Variants in IFT88 observed in about 807,000 individuals in gnomAD.
The protein encoded by IFT88 is intraflagellar transport protein 88 homolog.
A neutral mutation model predicts 119.5 loss-of-function variants in IFT88; 74 were observed. That is an observed-to-expected ratio of 0.62 (90% CI 0.51 to 0.75). The LOEUF is 0.75. IFT88 is among the 30% of genes least tolerant of loss of function. The pLI is 0.00. For missense variants in IFT88, 961 were observed against 977.7 expected, an observed-to-expected ratio of 0.98 and a Z score of 0.23; for synonymous variants, 279 against 316.7, an observed-to-expected ratio of 0.88 and a Z score of 1.26.
chr13:20,574,534 CTG>C (rs2137973739), intron 2 of IFT88, 59 bp downstream of exon 2: 3 of 895,350 alleles, frequency 3.4e-6, no homozygotes, highest in Admixed American at 2.1e-5. Flanking sequence ...TTTATGAAGA[CTG>C]TGGATTTGAG....
At position 20,638,316 on chromosome 13, in the gene IFT88, T is replaced by C; in HGVS notation, c.1387-16T>C. The C allele has an allele frequency of 7.8e-7, 1 of 1,277,252 alleles. No homozygotes were observed. The highest frequency in any genetic ancestry group is 1.0e-6 in the Non-Finnish European group (1 of 983,624). 79.1% of individuals were successfully genotyped at this position (1,277,252 alleles called of 1,614,324 possible). A position where few individuals can be genotyped will look rare whatever the true frequency, so the allele number is the denominator to read the frequency against. ...TTTCATGAAATTCAAATAATTTGTA[T>C]ATGTATTTTACTTAGGGAAAGGATT... On this transcript the variant is annotated splice_polypyrimidine_tract_variant and intron_variant, in intron 16 of 25. Transcript: ENST00000351808.
chr13:20,645,641 A>G (rs2050631227), intron 20 of IFT88, among the ~76,000 whole-genome samples: 2 of 152,174 alleles, frequency 1.3e-5, no homozygotes, highest in Admixed American at 6.5e-5. Flanking sequence ...ATTTATAATT[A>G]ATATATATGA....
At chr13:20,581,194 A>G (rs573216442) in intron 2 of IFT88, among the ~76,000 whole-genome samples, 1 of 152,320 alleles carries the variant, frequency 6.6e-6, no homozygotes, top group South Asian at 2.1e-4. Flanking sequence ...TTTGATCTTA[A>G]CTGTAATAAT....
Position 20,584,568 on chromosome 13 carries a change from C to T in IFT88, c.153+1549C>T, listed in dbSNP as rs554379579. Among the ~76,000 whole-genome samples the T allele has an allele frequency of 3.1e-4, 47 of 152,132 alleles. 1 individual carries two copies. Among genetic ancestry groups the T allele is most frequent in the Admixed American group, 9.8e-4 (15 of 15,282 alleles). ...TAATTAATACTCAATTAATTTTCTA[C>T]GAGTACATGAATTGCTAGAGTAGTT... On this transcript the variant is annotated intron_variant, in intron 3 of 25. Coordinates refer to ENST00000351808, the MANE Select transcript of IFT88 (RefSeq NM_006531.5).
intron 5 of IFT88, 59 bp from the exon 6 acceptor site, chr13:20,591,559 G>T: frequency 7.6e-7 from 1 of 1,319,204 alleles, no homozygotes; most frequent in South Asian, 1.2e-5. Context: ...GTAATGTGCA[G>T]AACTGTACAT....
Position 20,628,699 on chromosome 13 carries a change from T to C in IFT88, c.1300-2317T>C, listed in dbSNP as rs2047721708. On this transcript the variant is annotated intron_variant, in intron 15 of 25. Coordinates refer to ENST00000351808, the MANE Select transcript of IFT88 (RefSeq NM_006531.5). Reference sequence around the variant, plus strand: ...TATGTAGCCTTTTTAGAATAGATCATAGTTTAGAAACGTATAATATGAAGT... The same window carrying C: ...TATGTAGCCTTTTTAGAATAGATCACAGTTTAGAAACGTATAATATGAAGT... Among the ~76,000 whole-genome samples the C allele has an allele frequency of 2.0e-5, 3 of 152,320 alleles. No individual in the cohort carries two copies. In the South Asian group the frequency reaches 6.2e-4, roughly 32 times the overall value.
At chr13:20,592,621 G>A (rs1028218535) in intron 7 of IFT88, among the ~76,000 whole-genome samples, 7 of 151,896 alleles carry the variant, frequency 4.6e-5, no homozygotes, top group East Asian at 1.9e-4. Flanking sequence ...AGGTGCCTGC[G>A]ACTACATCCA....
intron 22 of IFT88, 29 bp from the exon 23 acceptor site, chr13:20,663,469 C>T: frequency 6.2e-7 from 1 of 1,606,382 alleles, no homozygotes. Context: ...TGCCTATATT[C>T]TTTCCTAAAT....
intron 22 of IFT88, among the ~76,000 whole-genome samples, chr13:20,659,672 C>T (rs1327852643): frequency 2.0e-5 from 3 of 147,696 alleles, no homozygotes; most frequent in African/African-American, 7.5e-5. Flanking sequence ...GAGACACAGT[C>T]TCACTCTGTC....
chr13:20,568,946 T>C (rs1457165641), intron 1 of IFT88, among the ~76,000 whole-genome samples: 1 of 152,062 alleles, frequency 6.6e-6, no homozygotes, highest in African/African-American at 2.4e-5. Flanking sequence ...GGTCTCGATC[T>C]CCTGACCTCG....
At chr13:20,567,944 CCA>C (rs1360821779) in intron 1 of IFT88, 1 of 699,962 alleles carries the variant, frequency 1.4e-6, no homozygotes, top group Admixed American at 2.0e-5. Flanking sequence ...CTTCCCTGGG[CCA>C]CATCGGAAGA....
chr13:20,689,755 A>G (rs936980445), intron 24 of IFT88, among the ~76,000 whole-genome samples: 3 of 150,132 alleles, frequency 2.0e-5, no homozygotes, highest in African/African-American at 4.9e-5. Flanking sequence ...CATTATTCAG[A>G]AAAAAAAAAG....
chr13:20,630,932 C>A (rs2048109733), intron 15 of IFT88, 84 bp from the exon 16 acceptor site: 3 of 839,580 alleles, frequency 3.6e-6, no homozygotes, highest in Non-Finnish European at 5.9e-6. Flanking sequence ...TCTTACCCTT[C>A]AGGAACACTG....
At chr13:20,655,743 C>T (rs1361839783) in intron 21 of IFT88, among the ~76,000 whole-genome samples, 1 of 152,136 alleles carries the variant, frequency 6.6e-6, no homozygotes, top group Non-Finnish European at 1.5e-5. Context: ...GTCCACCCAC[C>T]TCAGCCTCCC....
intron 3 of IFT88, among the ~76,000 whole-genome samples, chr13:20,584,340 G>A (rs978702876): frequency 6.6e-6 from 1 of 152,022 alleles, no homozygotes; most frequent in African/African-American, 2.4e-5. Context: ...AGTGTATCTA[G>A]TAAGTGAATT....
Position 20,670,820 on chromosome 13 carries a change from C to CT in IFT88, c.2176-140dup, listed in dbSNP as rs397959694. On this transcript the variant is annotated intron_variant, in intron 23 of 25. Transcript: ENST00000351808. ...CCCTCCACTTACAAAACAACTCAGG[C>CT]TTTTTTTTTTTTTCTATAGAATCAA... 5.7e-3 allele frequency among the ~76,000 whole-genome samples: 810 copies of CT among 142,346 alleles called. 4 individuals are homozygous for CT. Among genetic ancestry groups the CT allele is most frequent in the African/African-American group, 0.013 (497 of 39,072 alleles). 93.4% of individuals were successfully genotyped at this position (142,346 alleles called of 152,430 possible). A position where few individuals can be genotyped will look rare whatever the true frequency, so the allele number is the denominator to read the frequency against.
intron 24 of IFT88, among the ~76,000 whole-genome samples, chr13:20,677,763 GAGAC>G (rs1457517342): frequency 1.1e-4 from 16 of 152,172 alleles, no homozygotes; most frequent in Admixed American, 2.6e-4. Context: ...ATAGAAGAGA[GAGAC>G]AGACCAAAAA....
chr13:20,632,598 C>T (rs2048370389), intron 16 of IFT88, among the ~76,000 whole-genome samples: 1 of 152,222 alleles, frequency 6.6e-6, no homozygotes, highest in South Asian at 2.1e-4. Flanking sequence ...TATCCAACCC[C>T]TTGTTTAAAT....
At chr13:20,569,232 C>G (rs989749523) in intron 1 of IFT88, among the ~76,000 whole-genome samples, 1 of 146,408 alleles carries the variant, frequency 6.8e-6, no homozygotes, top group Non-Finnish European at 1.5e-5. Flanking sequence ...AGATATGATA[C>G]CAAAAGTACG....
Sources: allele counts gnomAD v4.1 joint callset (sites outside exome capture counted in the v4.1 genomes callset), GRCh38; gene constraint gnomAD v4.1.1; transcripts MANE v1.5; gene names NCBI Gene and HGNC (gene_info 2026-07-23, HGNC 2026-07-21).